Variants in ENOX1 observed in about 807,000 individuals in gnomAD.
The protein encoded by ENOX1 is ecto-NOX disulfide-thiol exchanger 1, also known as candidate growth-related and time keeping constitutive hydroquinone (NADH) oxidase.
A neutral mutation model predicts 82.5 loss-of-function variants in ENOX1; 42 were observed. The observed-to-expected ratio is 0.51, with a 90% confidence interval of 0.40 to 0.66. The LOEUF (loss-of-function observed/expected upper bound fraction) is 0.66, where lower values mean the gene tolerates loss of function less well. Among genes scored for constraint, ENOX1 ranks in the 30% least tolerant of loss-of-function variants. The probability of loss-of-function intolerance (pLI) is 0.00; values close to 1 mark genes in which losing one functional copy is unlikely to be tolerated. For missense variants in ENOX1, 608 were observed against 811.6 expected (o/e 0.75, Z 3.05); for synonymous variants, 271 against 282.2 (o/e 0.96, Z 0.40).
chr13:43,558,992 C>T (rs1463411815), intron 2 of ENOX1, among the ~76,000 whole-genome samples: 1 of 152,188 alleles, frequency 6.6e-6, no homozygotes, highest in African/African-American at 2.4e-5. Flanking sequence ...CAATTCCTCA[C>T]CTCTCTTCTC....
rs528687689 is a variant in ENOX1, at chr13:43,536,301, C to T, written c.-218-52149G>A. Among the ~76,000 whole-genome samples, 46 of 152,196 alleles carry T rather than the reference C, an allele frequency of 3.0e-4. No individual in the cohort carries two copies. The East Asian group carries it at 7.9e-3, about 26-fold the overall frequency. On this transcript the variant is annotated intron_variant, in intron 2 of 16. Transcript: ENST00000690772. ...TTAACCTCTATAATCACTCTCTAGC[C>T]GATTGCTTTCCATAATTTTTTCATA...
intron 2 of ENOX1, among the ~76,000 whole-genome samples, chr13:43,537,000 A>G (rs1275803962): frequency 6.6e-6 from 1 of 152,232 alleles, no homozygotes; most frequent in Non-Finnish European, 1.5e-5. Context: ...ACAAGACACA[A>G]TGATGTCAGA....
At chr13:43,438,032 T>C (rs560165312) in intron 3 of ENOX1, among the ~76,000 whole-genome samples, 2 of 152,256 alleles carry the variant, frequency 1.3e-5, no homozygotes, top group South Asian at 4.2e-4. Flanking sequence ...AATACTTCTG[T>C]GTGAAAAGTA....
chr13:43,676,281 A>T (rs2085503668), intron 1 of ENOX1, among the ~76,000 whole-genome samples: 2 of 152,356 alleles, frequency 1.3e-5, no homozygotes, highest in South Asian at 4.1e-4. Flanking sequence ...CATTATTTAA[A>T]GGAATACAAT....
At chr13:43,708,580 C>A (rs966023455) in intron 1 of ENOX1, among the ~76,000 whole-genome samples, 2 of 152,124 alleles carry the variant, frequency 1.3e-5, no homozygotes, top group South Asian at 4.2e-4. Flanking sequence ...GGCTGCAGAC[C>A]CATATGGATT....
intron 15 of ENOX1, among the ~76,000 whole-genome samples, chr13:43,234,894 A>G (rs1048265378): frequency 6.6e-6 from 1 of 152,262 alleles, no homozygotes; most frequent in Non-Finnish European, 1.5e-5. Context: ...CTCCAATTAA[A>G]ACATAAAAGA....
chr13:43,688,616 C>G (rs984357604), intron 1 of ENOX1, among the ~76,000 whole-genome samples: 20 of 152,158 alleles, frequency 1.3e-4, no homozygotes, highest in Admixed American at 1.2e-3. Flanking sequence ...GGCCATAGGC[C>G]AAATTCGACC....
At chr13:43,622,045 T>G (rs1594140673) in intron 2 of ENOX1, among the ~76,000 whole-genome samples, 1 of 152,206 alleles carries the variant, frequency 6.6e-6, no homozygotes, top group African/African-American at 2.4e-5. Flanking sequence ...TCAATTCTAT[T>G]GCTGAGACTT....
intron 2 of ENOX1, among the ~76,000 whole-genome samples, chr13:43,590,111 G>GA (rs890035704): frequency 6.6e-6 from 1 of 151,748 alleles, no homozygotes; most frequent in Non-Finnish European, 1.5e-5. Flanking sequence ...TAAATGAGAG[G>GA]AAAAATTTTT....
intron 2 of ENOX1, among the ~76,000 whole-genome samples, chr13:43,637,612 T>A (rs560351945): frequency 1.3e-5 from 2 of 152,018 alleles, no homozygotes; most frequent in South Asian, 4.2e-4. Context: ...ATTAGATTGT[T>A]CTGATCTCAG....
intron 2 of ENOX1, among the ~76,000 whole-genome samples, chr13:43,486,778 G>C (rs2076437208): frequency 6.6e-6 from 1 of 152,192 alleles, no homozygotes; most frequent in African/African-American, 2.4e-5. Flanking sequence ...CTCCTTATCT[G>C]CAGGATGTAT....
chr13:43,620,726 G>C (rs1025256827), intron 2 of ENOX1, among the ~76,000 whole-genome samples: 3 of 152,164 alleles, frequency 2.0e-5, no homozygotes, highest in African/African-American at 7.2e-5. Context: ...TTCTGCGGTT[G>C]TCGGATGAAC....
intron 12 of ENOX1, 134 bp downstream of exon 12, chr13:43,298,212 C>A (rs2046379853): frequency 1.1e-6 from 1 of 885,948 alleles, no homozygotes; most frequent in South Asian, 2.3e-5. Flanking sequence ...TAGCACTTTT[C>A]TGTCCTAGTA....
rs888185652 is a variant in ENOX1 at position 43,484,059 on chromosome 13, T to C, written c.-125A>G. Reference sequence around the variant, plus strand: ...ACAAATGTGTTCTCTGGGGACTTGATTGAAACCATGTATTCATAAAAGTCT... The same window carrying C: ...ACAAATGTGTTCTCTGGGGACTTGACTGAAACCATGTATTCATAAAAGTCT... On this transcript the variant is annotated 5_prime_UTR_variant, in exon 3 of 17. Coordinates refer to ENST00000690772, the MANE Select transcript of ENOX1 (RefSeq NM_001347969.2). The C allele has an allele frequency of 6.1e-6, 6 of 985,394 alleles. No homozygotes were observed. Among genetic ancestry groups the C allele is most frequent in the Non-Finnish European group, 7.2e-6 (6 of 829,920 alleles). 61.0% of individuals were successfully genotyped at this position (985,394 alleles called of 1,614,324 possible).
intron 3 of ENOX1, among the ~76,000 whole-genome samples, chr13:43,418,035 C>G (rs1267404398): frequency 6.6e-6 from 1 of 151,820 alleles, no homozygotes; most frequent in Admixed American, 6.6e-5. Context: ...ATGGTGAAAC[C>G]CTGTCTCTAC....
At chr13:43,404,281 C>G (rs1447967487) in intron 5 of ENOX1, among the ~76,000 whole-genome samples, 2 of 152,328 alleles carry the variant, frequency 1.3e-5, no homozygotes, top group South Asian at 4.1e-4. Context: ...TCCTACCAGA[C>G]TTGAGTTAAG....
At chr13:43,609,941 T>C (rs1296146461) in intron 2 of ENOX1, 1 of 977,614 alleles carries the variant, frequency 1.0e-6, no homozygotes, top group Non-Finnish European at 1.2e-6. Context: ...CAAGATAAAT[T>C]AATCTTTGGT....
chr13:43,468,284 C>A (rs2057828251), intron 3 of ENOX1, among the ~76,000 whole-genome samples: 1 of 151,628 alleles, frequency 6.6e-6, no homozygotes, highest in Admixed American at 6.6e-5. Context: ...TGGGTTCAAG[C>A]AATTCTCCTG....
rs1408674941 is a variant in ENOX1 at position 43,781,627 on chromosome 13, C to A, written c.-285+5025G>T. On this transcript the variant is annotated intron_variant, in intron 1 of 16. Coordinates refer to ENST00000690772, the MANE Select transcript of ENOX1 (RefSeq NM_001347969.2). ...CTCCCGGGTTCAAGCGATTCTCCTG[C>A]CTCAGCCCCCCGAGTAGCTGGGATT... is the stretch of plus-strand genomic sequence containing the variant. Among the ~76,000 whole-genome samples the A allele has an allele frequency of 4.6e-5, 7 of 152,074 alleles. No individual in the cohort carries two copies. In the East Asian group the frequency reaches 1.3e-3, roughly 29 times the overall value.
Sources: allele counts gnomAD v4.1 joint callset (sites outside exome capture counted in the v4.1 genomes callset), GRCh38; gene constraint gnomAD v4.1.1; transcripts MANE v1.5; gene names NCBI Gene and HGNC (gene_info 2026-07-23, HGNC 2026-07-21).